Variants in CLN6 observed in about 807,000 individuals in gnomAD.
CLN6 encodes the protein ceroid-lipofuscinosis neuronal protein 6.
CLN6 carries 22 observed loss-of-function variants against 33.3 expected under a neutral mutation model. That is an observed-to-expected ratio of 0.66 (90% CI 0.47 to 0.94). The LOEUF is 0.94. CLN6 is among the 40% of genes least tolerant of loss of function. The pLI, the probability that CLN6 is intolerant of heterozygous loss-of-function variation, is 0.00. For synonymous variants in CLN6, 201 were observed against 174.6 expected (o/e 1.15, Z -1.19); for missense variants, 387 against 417.1 (o/e 0.93, Z 0.63).
Position 68,219,492 on chromosome 15 carries a change from G to T in CLN6, c.84-842C>A, listed in dbSNP as rs939230716. ...GAGTACTGCCTCACGATACATCTTT[G>T]GAGGCCTGTCCCTCTCACTAAACAG... On this transcript the variant is annotated intron_variant, in intron 1 of 6. Transcript: ENST00000249806. This position sits in a 1 kb window ranked among gnomAD's most constrained non-coding sequence, Gnocchi z 4.2. Among the ~76,000 whole-genome samples, 6 of 152,136 alleles carry T rather than the reference G, an allele frequency of 3.9e-5. No individual in the cohort carries two copies. The highest frequency in any genetic ancestry group is 3.3e-4 in the Admixed American group (5 of 15,256).
chr15:68,209,891 C>A lies in CLN6; in HGVS notation c.543-132G>T. On this transcript the variant is annotated intron_variant, in intron 5 of 6. Coordinates refer to ENST00000249806, the MANE Select transcript of CLN6 (RefSeq NM_017882.3). The surrounding 1 kb of genome is among the most constrained non-coding windows in gnomAD (Gnocchi z 4.9). The stretch of plus-strand genomic sequence containing the variant: ...CAAAACGCCTAGCCTGGGTGAGAGG[C>A]GCTCCTCTCCACCCAACCTTGCCTG... 2 of 1,235,322 alleles carry A rather than the reference C, an allele frequency of 1.6e-6. No homozygotes were observed. The highest frequency in any genetic ancestry group is 2.3e-6 in the Non-Finnish European group (2 of 859,602). The allele number at this position is 1,235,322 out of a possible 1,614,324, so 76.5% of individuals were successfully genotyped here.
At chr15:68,212,153 G>A (rs180813370) in intron 3 of CLN6, 1 of 452,308 alleles carries the variant, frequency 2.2e-6, no homozygotes, top group Non-Finnish European at 4.1e-6. Flanking sequence ...TAGGCTGGAG[G>A]GGACAGCCCA....
chr15:68,254,187 A>G (rs1016894794), intron 1 of CLN6, among the ~76,000 whole-genome samples: 2 of 151,734 alleles, frequency 1.3e-5, no homozygotes, highest in Non-Finnish European at 2.9e-5. Context: ...CCAAAACTAC[A>G]TATTTTTTTA....
At chr15:68,223,937 T>C (rs1160434918) in intron 1 of CLN6, among the ~76,000 whole-genome samples, 4 of 151,622 alleles carry the variant, frequency 2.6e-5, no homozygotes, top group African/African-American at 9.7e-5. Context: ...TCCCAGCTAC[T>C]TGGGAGGCTG....
At position 68,227,891 on chromosome 15, in the gene CLN6, G is replaced by A. The variant is rs1421684376; in HGVS notation, c.83+1611C>T. Reference sequence around the variant, plus strand: ...GTTCCCATTGGGCTGTCACAGTTCAGGGCAGTCAGTGACCCCCAACTTGGC... The same window carrying A: ...GTTCCCATTGGGCTGTCACAGTTCAAGGCAGTCAGTGACCCCCAACTTGGC... On this transcript the variant is annotated intron_variant, in intron 1 of 6. Transcript: ENST00000249806. The surrounding 1 kb of genome is among the most constrained non-coding windows in gnomAD (Gnocchi z 4.1). 2.0e-5 allele frequency among the ~76,000 whole-genome samples: 3 copies of A among 152,196 alleles called. No individual in the cohort carries two copies. In the East Asian group the frequency reaches 5.8e-4, roughly 29 times the overall value.
In CLN6 at chr15:68,208,014, G is replaced by A. The variant is rs1389907425; in HGVS notation, c.*126C>T. 3 of 993,734 alleles carry A rather than the reference G, an allele frequency of 3.0e-6. No homozygotes were observed. Among genetic ancestry groups the A allele is most frequent in the South Asian group, 1.5e-5 (1 of 68,714 alleles). 61.6% of individuals were successfully genotyped at this position (993,734 alleles called of 1,614,324 possible). On this transcript the variant is annotated 3_prime_UTR_variant, in exon 7 of 7. Transcript: ENST00000249806. The surrounding 1 kb of genome is among the most constrained non-coding windows in gnomAD (Gnocchi z 5.8). The stretch of plus-strand genomic sequence containing the variant: ...CACACACACACGAATCCACGCACAC[G>A]AGGCACACCCCACTCATGCTCTCGG...
chr15:68,235,592 ATATATATATAT>A (rs1892212732), intron 1 of CLN6, among the ~76,000 whole-genome samples: 3 of 104,322 alleles, frequency 2.9e-5, no homozygotes, highest in African/African-American at 3.9e-5. Flanking sequence ...AAATAAATAT[ATATATATATAT>A]ATATATATAT....
Position 68,246,097 on chromosome 15 carries a change from T to G in CLN6, c.179+10593A>C, listed in dbSNP as rs1025975899. Among the ~76,000 whole-genome samples the G allele has an allele frequency of 1.3e-5, 2 of 152,242 alleles. No individual in the cohort carries two copies. The highest frequency in any genetic ancestry group is 2.4e-5 in the African/African-American group (1 of 41,512). The stretch of plus-strand genomic sequence containing the variant: ...ATATGAATCAACCTAAAGGCAGAGA[T>G]AGACTGTAATACAATACAGTAGGGG... On this transcript the variant is annotated intron_variant, in intron 1 of 6. Transcript: ENST00000538696. This position sits in a 1 kb window ranked among gnomAD's most constrained non-coding sequence, Gnocchi z 4.5.
intron 1 of CLN6, chr15:68,254,816 C>T (rs1892417404): frequency 2.7e-6 from 3 of 1,095,284 alleles, no homozygotes; most frequent in Non-Finnish European, 4.2e-6. Context: ...AAAGCTGAAG[C>T]TGGCAAGGAG....
In CLN6 at chr15:68,220,292, C is replaced by T. The variant is rs545122597; in HGVS notation, c.84-1642G>A. 1.6e-4 allele frequency among the ~76,000 whole-genome samples: 25 copies of T among 152,352 alleles called. No individual in the cohort carries two copies. Among genetic ancestry groups the T allele is most frequent in the African/African-American group, 5.5e-4 (23 of 41,590 alleles). On this transcript the variant is annotated intron_variant, in intron 1 of 6. Coordinates refer to ENST00000249806, the MANE Select transcript of CLN6 (RefSeq NM_017882.3). The surrounding 1 kb of genome is among the most constrained non-coding windows in gnomAD (Gnocchi z 4.2). ...TACCTGCACTATCTCATCTAATCCA[C>T]GCATCTGCTTTACAGATGAGGATAC... is the stretch of plus-strand genomic sequence containing the variant.
intron 1 of CLN6, among the ~76,000 whole-genome samples, chr15:68,229,129 G>A (rs551148960): frequency 1.3e-5 from 2 of 152,064 alleles, no homozygotes; most frequent in South Asian, 4.1e-4. Context: ...TTGGGGGTCC[G>A]AGTGACGAGG....
rs2093257133 is a variant in CLN6, at chr15:68,227,982, G to A, written c.83+1520C>T. ...GCCTGGAAGAGGGGAGCTGGTAAATGGGTTGGGTCACAGCAGAGATGAAAC... is the reference window on the plus strand; with the variant it reads ...GCCTGGAAGAGGGGAGCTGGTAAATAGGTTGGGTCACAGCAGAGATGAAAC... On this transcript the variant is annotated intron_variant, in intron 1 of 6. Coordinates refer to ENST00000249806, the MANE Select transcript of CLN6 (RefSeq NM_017882.3). The surrounding 1 kb of genome is among the most constrained non-coding windows in gnomAD (Gnocchi z 4.1). Among the ~76,000 whole-genome samples the A allele has an allele frequency of 1.3e-5, 2 of 152,226 alleles. No homozygotes were observed. Among genetic ancestry groups the A allele is most frequent in the African/African-American group, 2.4e-5 (1 of 41,454 alleles).
At chr15:68,214,010 T>C (rs2141141143) in intron 3 of CLN6, 1 of 398,234 alleles carries the variant, frequency 2.5e-6, no homozygotes, top group East Asian at 5.4e-5. Context: ...TGTCTTTAGG[T>C]CCTTCTACCT....
chr15:68,255,971 TACAG>T (rs1339983334), intron 1 of CLN6, among the ~76,000 whole-genome samples: 1 of 151,996 alleles, frequency 6.6e-6, no homozygotes, highest in South Asian at 2.1e-4. Context: ...TTAATTTTTG[TACAG>T]ACAGGGTCCC....
At position 68,208,041 on chromosome 15, in the gene CLN6, C is replaced by T; in HGVS notation, c.*99G>A. ...GGCACACCCCACTCATGCTCTCGGTCTCTGGTTACACACCCACACCCCCCC... is the reference window on the plus strand; with the variant it reads ...GGCACACCCCACTCATGCTCTCGGTTTCTGGTTACACACCCACACCCCCCC... On this transcript the variant is annotated 3_prime_UTR_variant, in exon 7 of 7. Transcript: ENST00000249806. The surrounding 1 kb of genome is among the most constrained non-coding windows in gnomAD (Gnocchi z 5.8). 7.4e-7 allele frequency: 1 copy of T among 1,348,018 alleles called. No homozygotes were observed. The allele number at this position is 1,348,018 out of a possible 1,614,324, so 83.5% of individuals were successfully genotyped here.
At chr15:68,216,729 G>A (rs993442803) in intron 2 of CLN6, among the ~76,000 whole-genome samples, 4 of 152,180 alleles carry the variant, frequency 2.6e-5, no homozygotes, top group African/African-American at 7.2e-5. Flanking sequence ...CACTTCTAAG[G>A]TTTGGCTATC....
upstream of CLN6, among the ~76,000 whole-genome samples, chr15:68,231,592 C>A (rs1282459781): frequency 6.6e-6 from 1 of 152,282 alleles, no homozygotes; most frequent in African/African-American, 2.4e-5. Flanking sequence ...GAGGGGCATG[C>A]AGTGCCCATG....
intron 3 of CLN6, chr15:68,213,321 C>T (rs1265558494): frequency 2.0e-5 from 3 of 152,182 alleles, no homozygotes; most frequent in Non-Finnish European, 2.9e-5. Context: ...TCACTGCAAC[C>T]TCTACCTCCC....
At chr15:68,221,432 G>A (rs1567098927) in intron 1 of CLN6, among the ~76,000 whole-genome samples, 3 of 152,026 alleles carry the variant, frequency 2.0e-5, no homozygotes, top group South Asian at 2.1e-4. Flanking sequence ...GGGTTTCGCC[G>A]TGTTGACCAG....
Sources: allele counts gnomAD v4.1 joint callset (sites outside exome capture counted in the v4.1 genomes callset), GRCh38; gene constraint gnomAD v4.1.1; non-coding constraint Gnocchi (gnomAD v3.1); transcripts MANE v1.5; gene names NCBI Gene and HGNC (gene_info 2026-07-23, HGNC 2026-07-21).